ALK: variants seen among roughly 807,000 people sequenced by gnomAD.
ALK encodes the protein ALK receptor tyrosine kinase.
In ALK, 74 loss-of-function variants were observed where a neutral mutation model predicts 163.1. The observed-to-expected ratio is 0.45, with a 90% confidence interval of 0.38 to 0.55. ALK has a LOEUF of 0.55. Among genes scored for constraint, ALK ranks in the 20% least tolerant of loss-of-function variants. The pLI, the probability that ALK is intolerant of heterozygous loss-of-function variation, is 0.00. For synonymous variants in ALK, 960 were observed against 843.2 expected (o/e 1.14, Z -2.40); for missense variants, 2,063 against 2,105.3 (o/e 0.98, Z 0.39).
intron 4 of ALK, among the ~76,000 whole-genome samples, chr2:29,483,428 G>A (rs1573391849): frequency 6.6e-6 from 1 of 152,184 alleles, no homozygotes; most frequent in Non-Finnish European, 1.5e-5. Context: ...TGTAGTCTGT[G>A]CACCAGTAGG....
At chr2:29,460,132 T>A (rs949516817) in intron 4 of ALK, among the ~76,000 whole-genome samples, 34 of 152,156 alleles carry the variant, frequency 2.2e-4, no homozygotes, top group African/African-American at 8.0e-4. Flanking sequence ...CACAGCAAGA[T>A]GTGGGGGCTG....
intron 1 of ALK, among the ~76,000 whole-genome samples, chr2:29,899,401 C>T (rs1290354887): frequency 6.6e-6 from 1 of 152,170 alleles, no homozygotes; most frequent in Non-Finnish European, 1.5e-5. Context: ...CACCCATCAC[C>T]CTGGGGGCGG....
chr2:29,506,651 C>A (rs1446627835), intron 4 of ALK, among the ~76,000 whole-genome samples: 6 of 151,778 alleles, frequency 4.0e-5, no homozygotes, highest in Non-Finnish European at 5.9e-5. Flanking sequence ...GAGGCTGAGG[C>A]AGGAGAATGG....
At chr2:29,620,501 TG>T (rs1287064607) in intron 3 of ALK, among the ~76,000 whole-genome samples, 4 of 18,752 alleles carry the variant, frequency 2.1e-4, no homozygotes, top group Non-Finnish European at 4.6e-4. Context: ...TTTTGCGGGG[TG>T]GGGGGGTGGT....
rs1573601182 is a variant in ALK at position 29,744,395 on chromosome 2, G to C, written c.668-26698C>G. ...GTGTAGCAAACAACCCCAATACTTA[G>C]GGCTTAAAACAATGACAGCATTTAT... On this transcript the variant is annotated intron_variant, in intron 1 of 28. Transcript: ENST00000389048. Among the ~76,000 whole-genome samples, 5 of 152,094 alleles carry C rather than the reference G, an allele frequency of 3.3e-5. 1 individual carries two copies. The highest frequency in any genetic ancestry group is 3.3e-4 in the Admixed American group (5 of 15,260).
At chr2:29,417,613 A>C (rs1409020862) in intron 4 of ALK, among the ~76,000 whole-genome samples, 1 of 152,180 alleles carries the variant, frequency 6.6e-6, no homozygotes, top group Non-Finnish European at 1.5e-5. Flanking sequence ...GAGTGAAAGG[A>C]TATGTTTATT....
Position 29,351,830 on chromosome 2 carries a change from G to T in ALK, c.1283-23349C>A, listed in dbSNP as rs141367694. ...ACCCTAGTTGGAAGAAGAAGCACCAGAGAGAGAAGTGGCACTTAACTGGGG... is the reference window on the plus strand; with the variant it reads ...ACCCTAGTTGGAAGAAGAAGCACCATAGAGAGAAGTGGCACTTAACTGGGG... On this transcript the variant is annotated intron_variant, in intron 5 of 28. Transcript: ENST00000389048. Among the ~76,000 whole-genome samples, 81 of 152,242 alleles carry T rather than the reference G, an allele frequency of 5.3e-4. No individual in the cohort carries two copies. In the East Asian group the frequency reaches 0.012, roughly 23 times the overall value.
intron 4 of ALK, among the ~76,000 whole-genome samples, chr2:29,395,913 A>C (rs1669292396): frequency 6.6e-6 from 1 of 152,214 alleles, no homozygotes; most frequent in African/African-American, 2.4e-5. Context: ...CTAAGCATAA[A>C]AACAGAAAAT....
At chr2:29,403,053 C>G (rs1669488001) in intron 4 of ALK, among the ~76,000 whole-genome samples, 1 of 152,150 alleles carries the variant, frequency 6.6e-6, no homozygotes, top group Non-Finnish European at 1.5e-5. Flanking sequence ...TTTAGTCTGT[C>G]ATCTGTGAAG....
At chr2:29,679,838 G>A (rs1678008746) in intron 3 of ALK, among the ~76,000 whole-genome samples, 1 of 151,934 alleles carries the variant, frequency 6.6e-6, no homozygotes, top group African/African-American at 2.4e-5. Flanking sequence ...ATTCATTTCA[G>A]CCTGAAACAC....
intron 5 of ALK, among the ~76,000 whole-genome samples, chr2:29,371,656 G>T (rs1480125965): frequency 6.6e-6 from 1 of 152,198 alleles, no homozygotes; most frequent in African/African-American, 2.4e-5. Context: ...TGGTGGGTTT[G>T]GTTCTGACTT....
chr2:29,233,684 T>C lies in ALK; in HGVS notation c.2368A>G (p.Ile790Val). 1 of 1,614,258 alleles carries C rather than the reference T, an allele frequency of 6.2e-7. No homozygotes were observed. Among genetic ancestry groups the C allele is most frequent in the Non-Finnish European group, 8.5e-7 (1 of 1,180,048 alleles). The change falls in exon 14 of 29, where the codon ATC becomes GTC. Residue 790 changes from isoleucine to valine, a missense_variant. By Grantham distance (29) the Ile-to-Val change is conservative. This residue lies in a region of ALK where 575 missense variants were observed against 626.6 expected (regional missense o/e 0.92). Coordinates refer to ENST00000389048, the MANE Select transcript of ALK (RefSeq NM_004304.5). ...EDACPSTNQLIQKVCIGENNV... is the reference protein window; with the variant it reads ...EDACPSTNQLVQKVCIGENNV... ...TTCTCTCCAATGCAGACTTTCTGGATTAACTGGTTTGTCTGTAGAAACAAA... is the reference window on the plus strand; with the variant it reads ...TTCTCTCCAATGCAGACTTTCTGGACTAACTGGTTTGTCTGTAGAAACAAA...
intron 3 of ALK, among the ~76,000 whole-genome samples, chr2:29,598,122 G>T (rs566310297): frequency 6.6e-6 from 1 of 152,174 alleles, no homozygotes; most frequent in African/African-American, 2.4e-5. Flanking sequence ...CTGCCTCCTC[G>T]GTTCAAGCGA....
At chr2:29,407,097 T>A (rs903127655) in intron 4 of ALK, among the ~76,000 whole-genome samples, 6 of 152,176 alleles carry the variant, frequency 3.9e-5, no homozygotes, top group African/African-American at 1.4e-4. Flanking sequence ...TGGTTCATCC[T>A]CAGTCCTGGA....
At chr2:29,421,937 A>G (rs1458766528) in intron 4 of ALK, among the ~76,000 whole-genome samples, 1 of 151,692 alleles carries the variant, frequency 6.6e-6, no homozygotes, top group African/African-American at 2.4e-5. Flanking sequence ...TAGAAAAGCA[A>G]TTCATTTTAC....
intron 3 of ALK, among the ~76,000 whole-genome samples, chr2:29,581,307 G>C (rs545082353): frequency 6.6e-6 from 1 of 152,232 alleles, no homozygotes; most frequent in East Asian, 1.9e-4. Context: ...AGAATCGCTT[G>C]AACCCGGGAG....
At chr2:29,558,007 T>G (rs943110611) in intron 3 of ALK, among the ~76,000 whole-genome samples, 15 of 152,210 alleles carry the variant, frequency 9.9e-5, no homozygotes, top group African/African-American at 3.6e-4. Flanking sequence ...GTCTGGCCAG[T>G]GATGTCTACA....
chr2:29,898,183 C>T (rs1667321608), intron 1 of ALK, among the ~76,000 whole-genome samples: 2 of 152,368 alleles, frequency 1.3e-5, no homozygotes, highest in Non-Finnish European at 1.5e-5. Flanking sequence ...CAGCCTAGAG[C>T]TGTCCATAGC....
chr2:29,320,858 C>T lies in ALK; in HGVS notation c.1439G>A (p.Cys480Tyr), dbSNP rs758547033. The T allele has an allele frequency of 1.2e-6, 2 of 1,614,028 alleles. No individual in the cohort carries two copies. The highest frequency in any genetic ancestry group is 2.2e-5 in the South Asian group (2 of 91,076). ...MCRKLPVGFY[C>Y]NFEDGFCGWT... The stretch of plus-strand genomic sequence containing the variant: ...GCCACAGAAGCCATCTTCAAAGTTG[C>T]AGTAAAAACCCACAGGCAGTTTCCC... The change falls in exon 7 of 29, where the codon TGC becomes TAC. Residue 480 changes from cysteine to tyrosine, a missense_variant. Around this residue, in one of 5 missense-constraint regions of ALK, gnomAD observed 987 missense variants for 939.5 expected, o/e 1.05. Coordinates refer to ENST00000389048, the MANE Select transcript of ALK (RefSeq NM_004304.5).
Sources: allele counts gnomAD v4.1 joint callset (sites outside exome capture counted in the v4.1 genomes callset), GRCh38; gene constraint gnomAD v4.1.1; regional missense constraint gnomAD v4.1.1; transcripts MANE v1.5; gene names NCBI Gene and HGNC (gene_info 2026-07-23, HGNC 2026-07-21).